Variants in TM9SF2 observed in about 807,000 individuals in gnomAD.
TM9SF2 encodes 76 kDa membrane protein.
Under a neutral mutation model 84.9 loss-of-function variants are expected in TM9SF2, and 13 were observed. That is an observed-to-expected ratio of 0.15 (90% confidence interval 0.10 to 0.24). TM9SF2 has a LOEUF of 0.24. Ranked by LOEUF, TM9SF2 falls within the 10% of genes least tolerant of loss-of-function variation. The pLI is 1.00. For missense variants in TM9SF2, 562 were observed against 818.5 expected, an observed-to-expected ratio of 0.69 and a Z score of 3.82; for synonymous variants, 273 against 285.8, an observed-to-expected ratio of 0.96 and a Z score of 0.45.
chr13:99,536,299 GT>G (rs540336278), intron 4 of TM9SF2, among the ~76,000 whole-genome samples: 50 of 139,690 alleles, frequency 3.6e-4, no homozygotes, highest in East Asian at 2.2e-3. Context: ...AGTTTTTTTT[GT>G]TTTTTTTTTT....
At chr13:99,551,862 G>A (rs1021996236) in intron 12 of TM9SF2, among the ~76,000 whole-genome samples, 8 of 152,188 alleles carry the variant, frequency 5.3e-5, no homozygotes, top group Non-Finnish European at 1.0e-4. Context: ...AACACCAGAC[G>A]CCTGCTGCAG....
intron 1 of TM9SF2, among the ~76,000 whole-genome samples, chr13:99,515,576 T>A (rs1394268233): frequency 1.3e-5 from 2 of 152,210 alleles, no homozygotes; most frequent in African/African-American, 4.8e-5. Flanking sequence ...GAATATTGGG[T>A]GAGCATTTTA....
intron 15 of TM9SF2, among the ~76,000 whole-genome samples, chr13:99,558,512 T>C (rs2046332861): frequency 6.6e-6 from 1 of 152,222 alleles, no homozygotes; most frequent in South Asian, 2.1e-4. Context: ...TTCAGCAGAA[T>C]TTTAGAGTTT....
chr13:99,533,140 G>A (rs187987599), intron 4 of TM9SF2, among the ~76,000 whole-genome samples: 31 of 152,282 alleles, frequency 2.0e-4, no homozygotes, highest in African/African-American at 7.5e-4. Context: ...TTCTGTTAGG[G>A]AGTTTGTGAA....
At chr13:99,534,564 C>T (rs909457482) in intron 4 of TM9SF2, among the ~76,000 whole-genome samples, 1 of 152,100 alleles carries the variant, frequency 6.6e-6, no homozygotes, top group Non-Finnish European at 1.5e-5. Context: ...TGCATTGTGA[C>T]AATATGGGTT....
At chr13:99,558,740 GTA>G (rs1491304303) in intron 15 of TM9SF2, among the ~76,000 whole-genome samples, 2 of 147,880 alleles carry the variant, frequency 1.4e-5, no homozygotes, top group African/African-American at 2.4e-5. Context: ...GTGTGTGTGT[GTA>G]TGTGTGTGTA....
At chr13:99,532,562 C>T (rs994056172) in intron 4 of TM9SF2, among the ~76,000 whole-genome samples, 9 of 151,896 alleles carry the variant, frequency 5.9e-5, no homozygotes, top group Non-Finnish European at 1.2e-4. Flanking sequence ...TGGTGGCAGG[C>T]GCCTGTAATC....
chr13:99,552,431 C>T, intron 13 of TM9SF2, 105 bp downstream of exon 13: 4 of 1,123,936 alleles, frequency 3.6e-6, no homozygotes, highest in Non-Finnish European at 5.0e-6. Flanking sequence ...TAAACTTGTC[C>T]TTTAGGATCT....
chr13:99,524,884 G>A (rs1387488998), intron 3 of TM9SF2, among the ~76,000 whole-genome samples: 2 of 151,794 alleles, frequency 1.3e-5, no homozygotes, highest in Non-Finnish European at 2.9e-5. Flanking sequence ...TTATAGGTCG[G>A]GAGGATGGGG....
intron 3 of TM9SF2, among the ~76,000 whole-genome samples, chr13:99,521,785 C>A (rs2046161617): frequency 1.3e-5 from 2 of 151,938 alleles, no homozygotes; most frequent in Admixed American, 1.3e-4. Context: ...TAGGTTACTG[C>A]AGCCTCAGAC....
rs149455382 is a variant in TM9SF2 at position 99,547,540 on chromosome 13, T to C, written c.1270+436T>C. On this transcript the variant is annotated intron_variant, in intron 11 of 16. Coordinates refer to ENST00000376387, the MANE Select transcript of TM9SF2 (RefSeq NM_004800.3). Reference sequence around the variant, plus strand: ...AGAAGTCATACTTACATTGTATCAATTTAATATTTATAAAAATACACTGTT... The same window carrying C: ...AGAAGTCATACTTACATTGTATCAACTTAATATTTATAAAAATACACTGTT... 2.7e-3 allele frequency among the ~76,000 whole-genome samples: 407 copies of C among 152,346 alleles called. 3 individuals are homozygous for C. The highest frequency in any genetic ancestry group is 8.7e-3 in the African/African-American group (363 of 41,578).
chr13:99,510,305 T>C (rs2046108171), intron 1 of TM9SF2, among the ~76,000 whole-genome samples: 1 of 152,208 alleles, frequency 6.6e-6, no homozygotes, highest in Admixed American at 6.5e-5. Context: ...AAACTCTGCC[T>C]GTTTCCCAGT....
At chr13:99,558,604 G>C (rs2046333217) in intron 15 of TM9SF2, among the ~76,000 whole-genome samples, 1 of 152,054 alleles carries the variant, frequency 6.6e-6, no homozygotes, top group East Asian at 1.9e-4. Flanking sequence ...AAATGGAATT[G>C]GGTTTTTAAA....
At position 99,504,904 on chromosome 13, in the gene TM9SF2, T is replaced by G. The variant is rs79034251; in HGVS notation, c.171+3127T>G. Among the ~76,000 whole-genome samples, 777 of 152,286 alleles carry G rather than the reference T, an allele frequency of 5.1e-3. 12 individuals carry two copies. Among genetic ancestry groups the G allele is most frequent in the African/African-American group, 0.018 (735 of 41,560 alleles). ...CTGACCATTCTTACTTGTAGGGCCT[T>G]TAGATTGGGCCCAATTTTTCTCTAT... On this transcript the variant is annotated intron_variant, in intron 1 of 16. Transcript: ENST00000376387.
At chr13:99,548,235 C>G (rs1051988082) in intron 11 of TM9SF2, among the ~76,000 whole-genome samples, 26 of 152,088 alleles carry the variant, frequency 1.7e-4, no homozygotes, top group Non-Finnish European at 1.5e-5. Context: ...CTAATGCCTC[C>G]CCATCCTTCA....
chr13:99,542,117 C>T (rs1038975953), intron 9 of TM9SF2, among the ~76,000 whole-genome samples: 9 of 149,980 alleles, frequency 6.0e-5, no homozygotes, highest in Non-Finnish European at 8.8e-5. Flanking sequence ...TGCCACTGCA[C>T]TCCAGCCTGG....
intron 15 of TM9SF2, among the ~76,000 whole-genome samples, chr13:99,558,722 TTGTGTGTGTG>T (rs5806121): frequency 6.6e-6 from 1 of 150,884 alleles, no homozygotes; most frequent in African/African-American, 2.4e-5. Flanking sequence ...CTGTTGCATT[TTGTGTGTGTG>T]TGTGTGTGTA....
intron 4 of TM9SF2, among the ~76,000 whole-genome samples, chr13:99,531,253 A>T (rs1388541808): frequency 1.3e-5 from 2 of 152,160 alleles, no homozygotes; most frequent in Non-Finnish European, 2.9e-5. Context: ...AAATGCCTAT[A>T]TTCTGTGGGG....
chr13:99,554,612 A>T (rs778694070), intron 14 of TM9SF2, among the ~76,000 whole-genome samples, 157 bp downstream of exon 14: 1 of 152,236 alleles, frequency 6.6e-6, no homozygotes, highest in African/African-American at 2.4e-5. Context: ...TATCTTTTCC[A>T]TGTTGGAAGA....
Sources: gnomAD v4.1 joint callset for allele counts (sites outside exome capture counted in the v4.1 genomes callset) on GRCh38, gnomAD v4.1.1 for gene constraint, MANE v1.5 for transcripts, NCBI Gene and HGNC (gene_info 2026-07-23, HGNC 2026-07-21) for gene names.